Variants in PACRG observed in about 807,000 individuals in gnomAD.
The protein encoded by PACRG is parkin coregulated gene protein.
PACRG carries 29 observed loss-of-function variants against 29.7 expected under a neutral mutation model. That is an observed-to-expected ratio of 0.98 (90% CI 0.73 to 1.33). PACRG has a LOEUF of 1.33. Ranked by LOEUF, PACRG falls within the 40% of genes most tolerant of loss-of-function variation. The probability of loss-of-function intolerance (pLI) is 0.00; values close to 1 mark genes in which losing one functional copy is unlikely to be tolerated. For synonymous variants in PACRG, 116 were observed against 118.7 expected, an observed-to-expected ratio of 0.98 and a Z score of 0.15; for missense variants, 279 against 316.2, an observed-to-expected ratio of 0.88 and a Z score of 0.89.
At chr6:162,844,310 T>C (rs1365062228) in intron 2 of PACRG, among the ~76,000 whole-genome samples, 1 of 152,220 alleles carries the variant, frequency 6.6e-6, no homozygotes, top group Non-Finnish European at 1.5e-5. Context: ...GTGCGCCGTT[T>C]TTTAAGCCGG....
chr6:163,276,989 G>A (rs775156303), intron 4 of PACRG, among the ~76,000 whole-genome samples: 10 of 152,052 alleles, frequency 6.6e-5, no homozygotes, highest in Admixed American at 2.0e-4. Context: ...TTTCATATTC[G>A]TTCTGTTTCA....
intron 2 of PACRG, among the ~76,000 whole-genome samples, chr6:163,004,412 A>C (rs1409420338): frequency 6.6e-6 from 1 of 151,894 alleles, no homozygotes; most frequent in African/African-American, 2.4e-5. Flanking sequence ...CAGGAATCTT[A>C]CAATCATGGT....
At chr6:163,095,592 C>T (rs557616939) in intron 4 of PACRG, 137 of 297,056 alleles carry the variant, frequency 4.6e-4, no homozygotes, top group Non-Finnish European at 6.4e-4. Context: ...CTCCTTCCTG[C>T]TGCTTCTAGC....
chr6:163,269,936 AAAGAAAG>A (rs1562349980), intron 4 of PACRG, among the ~76,000 whole-genome samples: 205 of 15,368 alleles, frequency 0.013, 2 homozygotes, highest in South Asian at 0.024. Flanking sequence ...GAAAACAAAG[AAAGAAAG>A]AAAGAAAGAA....
intron 1 of PACRG, among the ~76,000 whole-genome samples, chr6:162,785,455 C>T (rs1401101001): frequency 1.3e-5 from 2 of 152,104 alleles, no homozygotes; most frequent in Admixed American, 6.5e-5. Flanking sequence ...AATGGTACAA[C>T]TCCCAAGGGC....
intron 4 of PACRG, among the ~76,000 whole-genome samples, chr6:163,116,221 G>A (rs1195331518): frequency 2.0e-5 from 3 of 152,192 alleles, no homozygotes; most frequent in Admixed American, 6.5e-5. Context: ...GGCAAAAGGC[G>A]AAGGAGAAGC....
intron 2 of PACRG, among the ~76,000 whole-genome samples, chr6:162,877,525 G>T (rs1313532042): frequency 6.6e-6 from 1 of 151,338 alleles, no homozygotes; most frequent in Non-Finnish European, 1.5e-5. Flanking sequence ...CATGACACAT[G>T]TATACCTATG....
chr6:162,777,932 A>G lies in PACRG; in HGVS notation c.157-36215A>G, dbSNP rs1783775780. 2.0e-5 allele frequency among the ~76,000 whole-genome samples: 3 copies of G among 151,860 alleles called. No individual in the cohort carries two copies. Among genetic ancestry groups the G allele is most frequent in the South Asian group, 4.2e-4 (2 of 4,806 alleles). ...CCTTCCTTCCATCTCCTTTCTCCCA[A>G]AACATATTTGTAGTGAACACATCCT... On this transcript the variant is annotated intron_variant, in intron 1 of 4. Coordinates refer to ENST00000366888, the MANE Select transcript of PACRG (RefSeq NM_001080379.2). The surrounding 1 kb of genome is among the most constrained non-coding windows in gnomAD (Gnocchi z 4.0).
chr6:163,287,742 C>T (rs985816394), intron 4 of PACRG, among the ~76,000 whole-genome samples: 2 of 152,164 alleles, frequency 1.3e-5, no homozygotes, highest in Admixed American at 6.5e-5. Context: ...ACTCATTTAA[C>T]AGAGAAAAAT....
intron 2 of PACRG, among the ~76,000 whole-genome samples, chr6:163,025,489 A>G (rs1807043068): frequency 6.6e-6 from 1 of 152,180 alleles, no homozygotes; most frequent in Non-Finnish European, 1.5e-5. Context: ...ACTTCCAGTC[A>G]CCGTGAAGAA....
At chr6:162,998,722 G>T (rs2128194862) in intron 2 of PACRG, among the ~76,000 whole-genome samples, 1 of 152,258 alleles carries the variant, frequency 6.6e-6, no homozygotes, top group South Asian at 2.1e-4. Context: ...AGCATGCTTA[G>T]AAAGATCCCT....
chr6:162,993,022 T>C (rs1283580013), intron 2 of PACRG, among the ~76,000 whole-genome samples: 61 of 146,748 alleles, frequency 4.2e-4, no homozygotes, highest in African/African-American at 1.5e-3. Flanking sequence ...CAGGAGCAGG[T>C]TGTTCAGTTT....
intron 2 of PACRG, among the ~76,000 whole-genome samples, chr6:163,052,568 C>T (rs1330604552): frequency 6.6e-6 from 1 of 152,104 alleles, no homozygotes; most frequent in African/African-American, 2.4e-5. Flanking sequence ...GGGTGGTTTT[C>T]CCCATGCTAT....
At chr6:162,763,154 T>C (rs1380202506) in intron 1 of PACRG, among the ~76,000 whole-genome samples, 1 of 152,180 alleles carries the variant, frequency 6.6e-6, no homozygotes, top group Non-Finnish European at 1.5e-5. Flanking sequence ...TAAAAATACA[T>C]GTGACAGGAG....
chr6:163,272,281 C>A (rs1013458159), intron 4 of PACRG, among the ~76,000 whole-genome samples: 2 of 152,152 alleles, frequency 1.3e-5, no homozygotes, highest in African/African-American at 4.8e-5. Flanking sequence ...TCATGATCTG[C>A]GTCCCTCGGC....
chr6:162,930,918 A>C (rs973855967), intron 2 of PACRG, among the ~76,000 whole-genome samples: 1 of 151,874 alleles, frequency 6.6e-6, no homozygotes, highest in Admixed American at 6.6e-5. Context: ...CATCCCTGGG[A>C]TGCATGCCAC....
chr6:163,248,414 G>A (rs1254486907), intron 4 of PACRG, among the ~76,000 whole-genome samples: 1 of 148,154 alleles, frequency 6.7e-6, no homozygotes, highest in East Asian at 2.0e-4. Flanking sequence ...GGGCAAGAGG[G>A]GAGTGCATAT....
rs1361778208 is a variant in PACRG at position 162,868,990 on chromosome 6, C to T, written c.291+54709C>T. On this transcript the variant is annotated intron_variant, in intron 2 of 4. Transcript: ENST00000366888. ...CCGTTAATTATTCCTCGTTACATCA[C>T]GCAGGTACACAGAGGGACGATGACA... is the stretch of plus-strand genomic sequence containing the variant. Among the ~76,000 whole-genome samples the T allele has an allele frequency of 2.0e-5, 3 of 152,150 alleles. No homozygotes were observed. The South Asian group carries it at 6.2e-4, about 31-fold the overall frequency.
chr6:163,184,473 G>GA lies in PACRG; in HGVS notation c.613+95071dup, dbSNP rs576750641. Reference sequence around the variant, plus strand: ...TGTCCAATTGGAATGGAAATTGCTAGAAAAAAGCGGTGCCTAAATAATGGT... The same window carrying GA: ...TGTCCAATTGGAATGGAAATTGCTAGAAAAAAAGCGGTGCCTAAATAATGGT... On this transcript the variant is annotated intron_variant, in intron 4 of 4. Coordinates refer to ENST00000366888, the MANE Select transcript of PACRG (RefSeq NM_001080379.2). 7.2e-5 allele frequency among the ~76,000 whole-genome samples: 11 copies of GA among 152,254 alleles called. No homozygotes were observed. In the South Asian group the frequency reaches 2.3e-3, roughly 32 times the overall value.
Sources: gnomAD v4.1 joint callset for allele counts (sites outside exome capture counted in the v4.1 genomes callset) on GRCh38, gnomAD v4.1.1 for gene constraint, Gnocchi (gnomAD v3.1) non-coding constraint, MANE v1.5 for transcripts, NCBI Gene and HGNC (gene_info 2026-07-23, HGNC 2026-07-21) for gene names.